The following EFCAB6 variants were observed in gnomAD, a reference collection of about 807,000 sequenced individuals.
EFCAB6 encodes EF-hand calcium binding domain 6, also known as EF-hand calcium-binding domain-containing protein 6.
EFCAB6 carries 156 observed loss-of-function variants against 169.8 expected under a neutral mutation model. The observed-to-expected ratio is 0.92, with a 90% confidence interval of 0.81 to 1.05. The LOEUF (loss-of-function observed/expected upper bound fraction) is 1.05, where lower values mean the gene tolerates loss of function less well. Among genes scored for constraint, EFCAB6 ranks in the 50% least tolerant of loss-of-function variants. EFCAB6 has a pLI of 0.00. For synonymous variants in EFCAB6, 698 were observed against 676.4 expected, an observed-to-expected ratio of 1.03 and a Z score of -0.50; for missense variants, 1,800 against 1,829.1, an observed-to-expected ratio of 0.98 and a Z score of 0.29.
chr22:43,729,095 A>T (rs1024800318), intron 8 of EFCAB6, among the ~76,000 whole-genome samples: 1 of 152,206 alleles, frequency 6.6e-6, no homozygotes, highest in Admixed American at 6.5e-5. Context: ...GGAGCAAGGC[A>T]GAGGAGGAGG....
chr22:43,794,745 A>C (rs567678323), intron 2 of EFCAB6, among the ~76,000 whole-genome samples: 18 of 152,320 alleles, frequency 1.2e-4, no homozygotes, highest in Non-Finnish European at 2.2e-4. Context: ...CCAACATTTG[A>C]AGACCAGTCC....
intron 16 of EFCAB6, among the ~76,000 whole-genome samples, chr22:43,667,764 C>T (rs1274295285): frequency 2.0e-5 from 3 of 152,126 alleles, no homozygotes; most frequent in African/African-American, 7.2e-5. Context: ...ACAGTTACTC[C>T]ACAAATCGGC....
chr22:43,590,380 G>T, intron 23 of EFCAB6, 151 bp from the exon 24 acceptor site: 1 of 717,786 alleles, frequency 1.4e-6, no homozygotes, highest in Non-Finnish European at 2.0e-6. Context: ...GTGTAATACT[G>T]ACATTAAAAG....
intron 17 of EFCAB6, among the ~76,000 whole-genome samples, chr22:43,656,174 T>C (rs2056731643): frequency 6.6e-6 from 1 of 152,068 alleles, no homozygotes; most frequent in Non-Finnish European, 1.5e-5. Flanking sequence ...GTGGATCACC[T>C]GAGGTCAGGA....
intron 13 of EFCAB6, among the ~76,000 whole-genome samples, chr22:43,676,898 T>C (rs961992791): frequency 1.3e-5 from 2 of 152,150 alleles, no homozygotes; most frequent in African/African-American, 4.8e-5. Context: ...AGCTAAACCA[T>C]CTTAAAGCTT....
chr22:43,713,154 C>T (rs1185255208), intron 9 of EFCAB6, among the ~76,000 whole-genome samples: 1 of 152,066 alleles, frequency 6.6e-6, no homozygotes, highest in Admixed American at 6.5e-5. Flanking sequence ...TCTTTTTCAT[C>T]ATACCACTAA....
At chr22:43,612,297 A>T (rs1221133314) in intron 21 of EFCAB6, among the ~76,000 whole-genome samples, 1 of 152,212 alleles carries the variant, frequency 6.6e-6, no homozygotes, top group East Asian at 1.9e-4. Flanking sequence ...GAAAAAATTG[A>T]CAAATGGGAT....
chr22:43,606,403 T>C (rs2052920742), intron 22 of EFCAB6, among the ~76,000 whole-genome samples: 1 of 152,202 alleles, frequency 6.6e-6, no homozygotes, highest in South Asian at 2.1e-4. Context: ...ACCCAGTGTT[T>C]AAGAAGCATT....
intron 17 of EFCAB6, among the ~76,000 whole-genome samples, chr22:43,660,666 A>G (rs899714252): frequency 6.6e-6 from 1 of 152,140 alleles, no homozygotes; most frequent in Non-Finnish European, 1.5e-5. Flanking sequence ...GGCAGTATCT[A>G]AGAAAGAACT....
intron 10 of EFCAB6, among the ~76,000 whole-genome samples, chr22:43,696,617 T>C (rs2058585398): frequency 6.6e-6 from 1 of 152,128 alleles, no homozygotes; most frequent in African/African-American, 2.4e-5. Flanking sequence ...GACTCAGCAA[T>C]GAAAATTAAT....
Position 43,724,367 on chromosome 22 carries a change from C to CTT in EFCAB6, c.757+7330_757+7331dup, listed in dbSNP as rs58226287. Among the ~76,000 whole-genome samples the CTT allele has an allele frequency of 5.0e-3, 541 of 107,872 alleles. 9 individuals carry two copies. Among genetic ancestry groups the CTT allele is most frequent in the South Asian group, 0.018 (59 of 3,312 alleles). 70.8% of individuals were successfully genotyped at this position (107,872 alleles called of 152,430 possible). A position where few individuals can be genotyped will look rare whatever the true frequency, so the allele number is the denominator to read the frequency against. On this transcript the variant is annotated intron_variant, in intron 8 of 31. Transcript: ENST00000262726. Reference sequence around the variant, plus strand: ...TGTTTACTGTCAATATTTCTTTTTTCTTTTTTTTTTTTTTTTTTGAGAAGG... The same window carrying CTT: ...TGTTTACTGTCAATATTTCTTTTTTCTTTTTTTTTTTTTTTTTTTTGAGAAGG...
At chr22:43,686,130 C>T (rs1021109671) in intron 11 of EFCAB6, among the ~76,000 whole-genome samples, 27 of 152,044 alleles carry the variant, frequency 1.8e-4, no homozygotes, top group Admixed American at 1.2e-3. Flanking sequence ...TACAGGCTTG[C>T]GCCACCACGC....
At chr22:43,664,421 A>G (rs1164870538) in intron 17 of EFCAB6, among the ~76,000 whole-genome samples, 2 of 152,206 alleles carry the variant, frequency 1.3e-5, no homozygotes, top group Non-Finnish European at 2.9e-5. Flanking sequence ...ATAATAGGGG[A>G]GGGCAAGCAA....
intron 17 of EFCAB6, among the ~76,000 whole-genome samples, chr22:43,646,269 C>T (rs1215866074): frequency 3.3e-5 from 5 of 152,210 alleles, no homozygotes; most frequent in Admixed American, 2.0e-4. Context: ...TCAGCCTCTG[C>T]ACGCCTTTAT....
intron 6 of EFCAB6, among the ~76,000 whole-genome samples, chr22:43,754,643 A>T (rs574040483): frequency 1.2e-3 from 189 of 152,252 alleles, no homozygotes; most frequent in Middle Eastern, 3.4e-3. Context: ...TCCATTTCAG[A>T]TTTGCTCACC....
chr22:43,709,228 C>T (rs1278117937), intron 10 of EFCAB6, among the ~76,000 whole-genome samples: 1 of 151,972 alleles, frequency 6.6e-6, no homozygotes, highest in Non-Finnish European at 1.5e-5. Flanking sequence ...ATTACAGGCG[C>T]CCACCACCAT....
chr22:43,660,794 G>T (rs1016795459), intron 17 of EFCAB6, among the ~76,000 whole-genome samples: 3 of 152,138 alleles, frequency 2.0e-5, no homozygotes, highest in Non-Finnish European at 2.9e-5. Context: ...GCATGAAGAT[G>T]TACCTGGAGC....
intron 28 of EFCAB6, 80 bp downstream of exon 28, chr22:43,540,047 G>A: frequency 6.6e-7 from 1 of 1,504,944 alleles, no homozygotes. Context: ...GGCCATAGTA[G>A]GGCCCCCAAA....
chr22:43,648,630 G>C (rs2056307395), intron 17 of EFCAB6, among the ~76,000 whole-genome samples: 4 of 152,114 alleles, frequency 2.6e-5, no homozygotes, highest in Admixed American at 2.0e-4. Flanking sequence ...TGGGTGGCGG[G>C]ATTATTCATG....
Sources: gnomAD v4.1 joint callset for allele counts (sites outside exome capture counted in the v4.1 genomes callset) on GRCh38, gnomAD v4.1.1 for gene constraint, MANE v1.5 for transcripts, NCBI Gene and HGNC (gene_info 2026-07-23, HGNC 2026-07-21) for gene names.